Variants in TLE4 observed in about 807,000 individuals in gnomAD.
TLE4 encodes TLE family member 4, transcriptional corepressor.
Under a neutral mutation model 92.8 loss-of-function variants are expected in TLE4, and 8 were observed. The ratio of observed to expected loss-of-function variants is 0.09; its 90% CI spans 0.05 to 0.16. TLE4 has a LOEUF of 0.16. TLE4 is among the 10% of genes least tolerant of loss of function. The pLI, the probability that TLE4 is intolerant of heterozygous loss-of-function variation, is 1.00. For synonymous variants in TLE4, 371 were observed against 374.1 expected (o/e 0.99, Z 0.10); for missense variants, 675 against 997.6 (o/e 0.68, Z 4.36).
In TLE4 at chr9:79,579,807, A is replaced by ACCTT. The variant is rs150792557; in HGVS notation, c.252+3630_252+3631insCCTT. ...CTAAAATATTAATTGAATAGAAATG[A>ACCTT]AAGGGCCTTGCCAACTGATAGGATA... On this transcript the variant is annotated intron_variant, in intron 4 of 19. Coordinates refer to ENST00000376552, the MANE Select transcript of TLE4 (RefSeq NM_007005.6). 7.9e-5 allele frequency among the ~76,000 whole-genome samples: 12 copies of ACCTT among 152,318 alleles called. No individual in the cohort carries two copies. The East Asian group carries it at 2.3e-3, about 29-fold the overall frequency.
intron 8 of TLE4, among the ~76,000 whole-genome samples, chr9:79,703,234 C>G (rs1235841690): frequency 1.3e-5 from 2 of 152,138 alleles, no homozygotes; most frequent in East Asian, 3.9e-4. Flanking sequence ...CTTTCTACTA[C>G]TCTCCAAGAT....
intron 14 of TLE4, among the ~76,000 whole-genome samples, chr9:79,713,007 C>T (rs370178617): frequency 1.4e-4 from 22 of 152,172 alleles, no homozygotes; most frequent in Non-Finnish European, 2.4e-4. Flanking sequence ...ATAGTAAAAA[C>T]CTTCAACGAG....
At chr9:79,612,528 T>G in intron 4 of TLE4, 128 bp from the exon 5 acceptor site, 1 of 809,082 alleles carries the variant, frequency 1.2e-6, no homozygotes, top group South Asian at 1.5e-5. Context: ...GAGATAGTTT[T>G]CCTCTTCCTT....
intron 4 of TLE4, among the ~76,000 whole-genome samples, chr9:79,602,851 C>G (rs949889513): frequency 6.6e-6 from 1 of 152,010 alleles, no homozygotes; most frequent in Non-Finnish European, 1.5e-5. Flanking sequence ...AAATTGAAAA[C>G]CTTCTGGAAA....
chr9:79,629,591 C>T (rs981029588), intron 6 of TLE4, among the ~76,000 whole-genome samples: 4 of 152,138 alleles, frequency 2.6e-5, no homozygotes, highest in East Asian at 1.9e-4. Context: ...GCTATCAACG[C>T]GGCATATACT....
At chr9:79,639,033 TTTC>T in intron 6 of TLE4, among the ~76,000 whole-genome samples, 1 of 152,244 alleles carries the variant, frequency 6.6e-6, no homozygotes, top group African/African-American at 2.4e-5. Flanking sequence ...AAGATGTGGT[TTTC>T]TTCTTAACAG....
At chr9:79,574,483 A>G (rs1049497000) in intron 2 of TLE4, among the ~76,000 whole-genome samples, 2 of 152,216 alleles carry the variant, frequency 1.3e-5, no homozygotes, top group African/African-American at 2.4e-5. Context: ...TTTGTAGAAC[A>G]TTAAAGAAAT....
At chr9:79,639,795 G>A (rs1251704903) in intron 6 of TLE4, among the ~76,000 whole-genome samples, 1 of 152,090 alleles carries the variant, frequency 6.6e-6, no homozygotes, top group Non-Finnish European at 1.5e-5. Flanking sequence ...ATACCATCTA[G>A]ATAAATATAC....
intron 8 of TLE4, among the ~76,000 whole-genome samples, chr9:79,699,766 T>G (rs922283389): frequency 6.6e-6 from 1 of 152,198 alleles, no homozygotes; most frequent in Admixed American, 6.5e-5. Flanking sequence ...AAAATTGGCA[T>G]GGTGTGCATT....
chr9:79,622,309 G>A (rs2051222807), intron 5 of TLE4, among the ~76,000 whole-genome samples: 1 of 152,036 alleles, frequency 6.6e-6, no homozygotes, highest in Non-Finnish European at 1.5e-5. Flanking sequence ...ATTCTACTCT[G>A]CTTGTCTGCA....
intron 6 of TLE4, among the ~76,000 whole-genome samples, chr9:79,646,199 G>C (rs935572745): frequency 2.0e-5 from 3 of 152,074 alleles, no homozygotes; most frequent in Non-Finnish European, 4.4e-5. Context: ...TAAAAAGCAA[G>C]GGGTTTTATG....
chr9:79,673,119 G>T (rs766981856), intron 8 of TLE4, among the ~76,000 whole-genome samples: 1 of 152,154 alleles, frequency 6.6e-6, no homozygotes, highest in Non-Finnish European at 1.5e-5. Flanking sequence ...TTGGCTTTCA[G>T]GAACGTGGAG....
At chr9:79,623,190 T>G (rs1402498142) in intron 5 of TLE4, among the ~76,000 whole-genome samples, 3 of 152,060 alleles carry the variant, frequency 2.0e-5, no homozygotes, top group Admixed American at 2.0e-4. Flanking sequence ...TCTTTTGTTT[T>G]TGTTTTATTA....
chr9:79,669,804 A>C (rs1199437724), intron 8 of TLE4, among the ~76,000 whole-genome samples: 1 of 152,226 alleles, frequency 6.6e-6, no homozygotes, highest in African/African-American at 2.4e-5. Context: ...CAATTGTTTT[A>C]GTCTTTGCAG....
At chr9:79,724,965 G>T in intron 19 of TLE4, 72 bp from the exon 20 acceptor site, 5 of 1,091,498 alleles carry the variant, frequency 4.6e-6, no homozygotes, top group Non-Finnish European at 2.7e-6. Flanking sequence ...ATTTGCATTT[G>T]CTCTAAGTCC....
At chr9:79,714,190 C>G (rs1565151023) in intron 14 of TLE4, among the ~76,000 whole-genome samples, 6 of 152,172 alleles carry the variant, frequency 3.9e-5, no homozygotes, top group Admixed American at 3.9e-4. Flanking sequence ...TCCTGTCCAT[C>G]CTACTCCTTG....
intron 6 of TLE4, among the ~76,000 whole-genome samples, chr9:79,652,023 TTATA>T (rs1406027488): frequency 6.6e-6 from 1 of 152,214 alleles, no homozygotes; most frequent in Non-Finnish European, 1.5e-5. Context: ...TGAAAGTTAC[TTATA>T]TACTTTCACC....
At chr9:79,609,622 T>C (rs2047911684) in intron 4 of TLE4, among the ~76,000 whole-genome samples, 1 of 152,114 alleles carries the variant, frequency 6.6e-6, no homozygotes, top group Non-Finnish European at 1.5e-5. Flanking sequence ...GATCTTTTTG[T>C]TACATTTTGA....
chr9:79,704,742 T>G (rs749208388), intron 8 of TLE4, 41 bp from the exon 9 acceptor site: 58 of 1,588,488 alleles, frequency 3.7e-5, no homozygotes, highest in South Asian at 3.6e-4. Context: ...GCTAAATAGA[T>G]GATAATTTCT....
Sources: allele counts gnomAD v4.1 joint callset (sites outside exome capture counted in the v4.1 genomes callset), GRCh38; gene constraint gnomAD v4.1.1; transcripts MANE v1.5; gene names NCBI Gene and HGNC (gene_info 2026-07-23, HGNC 2026-07-21).